Variants in OPRM1 observed in about 807,000 individuals in gnomAD.
OPRM1 encodes mu-type opioid receptor.
OPRM1 carries 27 observed loss-of-function variants against 31.8 expected under a neutral mutation model. That is an observed-to-expected ratio of 0.85 (90% CI 0.63 to 1.17). The LOEUF (loss-of-function observed/expected upper bound fraction) is 1.17. Ranked by LOEUF, OPRM1 falls within the 50% of genes most tolerant of loss-of-function variation. OPRM1 has a pLI of 0.00. For missense variants in OPRM1, 536 were observed against 511.1 expected (o/e 1.05, Z -0.47); for synonymous variants, 196 against 189.9 (o/e 1.03, Z -0.26).
At chr6:154,181,293 AGATAAC>A (rs1800845617) in intron 3 of OPRM1, among the ~76,000 whole-genome samples, 2 of 152,204 alleles carry the variant, frequency 1.3e-5, no homozygotes, top group Non-Finnish European at 2.9e-5. Context: ...TGTTGGGTAG[AGATAAC>A]GATCATACAT....
intron 3 of OPRM1, among the ~76,000 whole-genome samples, chr6:154,145,376 T>G (rs895994398): frequency 2.0e-5 from 3 of 152,204 alleles, no homozygotes; most frequent in African/African-American, 7.2e-5. Flanking sequence ...AACGGACACA[T>G]GGACAGCCAA....
chr6:154,101,672 C>T (rs558722004), intron 3 of OPRM1, among the ~76,000 whole-genome samples: 1 of 152,154 alleles, frequency 6.6e-6, no homozygotes, highest in Non-Finnish European at 1.5e-5. Flanking sequence ...TCCAAACATC[C>T]TTTTCCTATA....
At chr6:154,203,489 C>T (rs1480021329) in intron 3 of OPRM1, among the ~76,000 whole-genome samples, 1 of 152,140 alleles carries the variant, frequency 6.6e-6, no homozygotes, top group African/African-American at 2.4e-5. Flanking sequence ...CCATGGATTC[C>T]AAATCCATGA....
At position 154,118,754 on chromosome 6, in the gene OPRM1, C is replaced by G. The variant is rs201740876; in HGVS notation, c.*33C>G. ...TCATGCCATTCCGACCTTCACCAAG[C>G]TTAGAAGCCACCATGTATGTGGAAG... On this transcript the variant is annotated 3_prime_UTR_variant, in exon 4 of 4. Transcript: ENST00000330432. 1.5e-5 allele frequency: 24 copies of G among 1,611,654 alleles called. No individual in the cohort carries two copies. The African/African-American group carries it at 2.8e-4, about 19-fold the overall frequency.
Position 154,012,122 on chromosome 6 carries a change from G to A in OPRM1, c.-1+1104G>A, listed in dbSNP as rs143061156. Reference sequence around the variant, plus strand: ...AGCAAAAGGTTTGGACTGAACAAAAGGTTTGGACATAACTATGGGCTAAAT... The same window carrying A: ...AGCAAAAGGTTTGGACTGAACAAAAAGTTTGGACATAACTATGGGCTAAAT... On this transcript the variant is annotated intron_variant, in intron 1 of 5. Coordinates refer to the OPRM1 transcript ENST00000434900. 6.5e-3 allele frequency among the ~76,000 whole-genome samples: 993 copies of A among 152,202 alleles called. 7 individuals are homozygous for A. The highest frequency in any genetic ancestry group is 0.023 in the African/African-American group (944 of 41,518).
chr6:154,117,721 A>C (rs968439142), intron 3 of OPRM1, among the ~76,000 whole-genome samples: 1 of 152,206 alleles, frequency 6.6e-6, no homozygotes, highest in Non-Finnish European at 1.5e-5. Context: ...TGTCAGGGTC[A>C]GCAAGGGTGT....
chr6:154,143,229 C>T (rs553773162), intron 3 of OPRM1, among the ~76,000 whole-genome samples: 24 of 152,140 alleles, frequency 1.6e-4, no homozygotes, highest in African/African-American at 5.5e-4. Flanking sequence ...TATTAATACA[C>T]CTGGTATTTT....
chr6:154,227,197 C>T (rs1011908760), intron 3 of OPRM1, among the ~76,000 whole-genome samples: 2 of 151,740 alleles, frequency 1.3e-5, no homozygotes, highest in Admixed American at 1.3e-4. Context: ...GAGCAAGATT[C>T]TGTCTCAAAA....
intron 1 of OPRM1, among the ~76,000 whole-genome samples, chr6:154,071,815 C>A (rs746234069): frequency 6.6e-6 from 1 of 152,134 alleles, no homozygotes; most frequent in South Asian, 2.1e-4. Context: ...TAATGTTAAC[C>A]AGGAAAGGGA....
chr6:154,097,463 GA>G (rs538268647), intron 3 of OPRM1, among the ~76,000 whole-genome samples: 24 of 151,590 alleles, frequency 1.6e-4, no homozygotes, highest in African/African-American at 4.4e-4. Flanking sequence ...AATTCAATGG[GA>G]AAAAAAACTC....
chr6:154,093,442 G>A (rs748834055), intron 3 of OPRM1: 1 of 1,614,008 alleles, frequency 6.2e-7, no homozygotes, highest in Admixed American at 1.7e-5. Flanking sequence ...TTTCTCCTGA[G>A]TTAAGCATGA....
In OPRM1 at chr6:154,160,177, C is replaced by G. The variant is rs532780584; in HGVS notation, c.1164+68705C>G. The stretch of plus-strand genomic sequence containing the variant: ...ATTTTTGCACGTTAATGTTCTAATT[C>G]CAGCATTAAGCTTAAGAAATACGAC... On this transcript the variant is annotated intron_variant, in intron 3 of 3. Transcript: ENST00000337049. The G allele has an allele frequency of 1.4e-5, 10 of 694,250 alleles. 1 individual carries two copies. The Admixed American group carries it at 3.2e-4, about 22-fold the overall frequency. 43.0% of individuals were successfully genotyped at this position (694,250 alleles called of 1,614,324 possible). A position where few individuals can be genotyped will look rare whatever the true frequency, so the allele number is the denominator to read the frequency against.
At chr6:154,142,393 T>C (rs1223729163) in intron 3 of OPRM1, among the ~76,000 whole-genome samples, 1 of 151,940 alleles carries the variant, frequency 6.6e-6, no homozygotes, top group Non-Finnish European at 1.5e-5. Flanking sequence ...GCAAAATGGG[T>C]AGTATGACCT....
chr6:154,233,421 A>T (rs1779873946), intron 3 of OPRM1, among the ~76,000 whole-genome samples: 1 of 152,200 alleles, frequency 6.6e-6, no homozygotes, highest in Non-Finnish European at 1.5e-5. Flanking sequence ...TATTTTTACT[A>T]AAATATTGTT....
At chr6:154,159,854 A>G in intron 3 of OPRM1, 2 of 1,611,524 alleles carry the variant, frequency 1.2e-6, no homozygotes, top group Admixed American at 3.4e-5. Context: ...ACAGAGGGAG[A>G]AGAAGGTGAT....
intron 3 of OPRM1, among the ~76,000 whole-genome samples, chr6:154,161,215 AT>A (rs778278528): frequency 0.025 from 3,291 of 133,740 alleles, 52 homozygotes; most frequent in African/African-American, 0.061. Flanking sequence ...TTTTCTTTTC[AT>A]TTTTTTTTTT....
At chr6:154,246,034 G>A (rs1206903012) in intron 3 of OPRM1, among the ~76,000 whole-genome samples, 1 of 152,154 alleles carries the variant, frequency 6.6e-6, no homozygotes, top group Non-Finnish European at 1.5e-5. Context: ...CACACCAGGG[G>A]ACAAGAGGTG....
At chr6:154,221,132 A>C (rs1459280510) in intron 3 of OPRM1, 1 of 710,360 alleles carries the variant, frequency 1.4e-6, no homozygotes, top group East Asian at 2.8e-5. Flanking sequence ...TGCTAAATAA[A>C]TTAATCCTTA....
chr6:154,059,476 C>T (rs142353714), intron 1 of OPRM1, among the ~76,000 whole-genome samples: 51 of 152,268 alleles, frequency 3.3e-4, no homozygotes, highest in African/African-American at 1.1e-3. Context: ...CTCTGCCAGG[C>T]TCAGTGCTGA....
Sources: allele counts gnomAD v4.1 joint callset (sites outside exome capture counted in the v4.1 genomes callset), GRCh38; gene constraint gnomAD v4.1.1; transcripts MANE v1.5; gene names NCBI Gene and HGNC (gene_info 2026-07-23, HGNC 2026-07-21).